Variants in CALN1 observed in about 807,000 individuals in gnomAD.
CALN1 encodes calneuron 1.
A neutral mutation model predicts 30.6 loss-of-function variants in CALN1; 17 were observed. That is an observed-to-expected ratio of 0.56 (90% confidence interval 0.38 to 0.83). CALN1 has a LOEUF of 0.83. Among genes scored for constraint, CALN1 ranks in the 40% least tolerant of loss-of-function variants. The pLI is 0.00. For synonymous variants in CALN1, 156 were observed against 131.4 expected, an observed-to-expected ratio of 1.19 and a Z score of -1.28; for missense variants, 291 against 354.9, an observed-to-expected ratio of 0.82 and a Z score of 1.45.
chr7:72,434,415 G>A (rs889939149), intron 1 of CALN1, among the ~76,000 whole-genome samples: 6 of 151,270 alleles, frequency 4.0e-5, no homozygotes, highest in Non-Finnish European at 5.9e-5. Context: ...ACAGCTATTC[G>A]GGAGGCTGAG....
At chr7:72,382,976 T>A (rs571316221) in intron 2 of CALN1, among the ~76,000 whole-genome samples, 2 of 152,108 alleles carry the variant, frequency 1.3e-5, no homozygotes, top group Non-Finnish European at 2.9e-5. Context: ...TTTCTAGAGA[T>A]GGGGTTTCAC....
In CALN1 at chr7:72,213,293, C is replaced by A. The variant is rs1792543463; in HGVS notation, c.244+65393G>T. 3.3e-5 allele frequency among the ~76,000 whole-genome samples: 5 copies of A among 152,360 alleles called. No individual in the cohort carries two copies. In the South Asian group the frequency reaches 1.0e-3, roughly 32 times the overall value. On this transcript the variant is annotated intron_variant, in intron 3 of 6. Transcript: ENST00000395275. ...AAGCTGGAGACAGGAAGTGGCAGTTCTTGGACATCAAGGAATTTTCTGAAT... is the reference window on the plus strand; with the variant it reads ...AAGCTGGAGACAGGAAGTGGCAGTTATTGGACATCAAGGAATTTTCTGAAT...
chr7:72,430,951 G>A (rs1807953635), intron 1 of CALN1, among the ~76,000 whole-genome samples: 1 of 150,928 alleles, frequency 6.6e-6, no homozygotes, highest in Non-Finnish European at 1.5e-5. Flanking sequence ...TACCCATGGA[G>A]TGAAGCCAAG....
At chr7:71,960,850 C>T (rs971543501) in intron 5 of CALN1, among the ~76,000 whole-genome samples, 1 of 152,176 alleles carries the variant, frequency 6.6e-6, no homozygotes, top group African/African-American at 2.4e-5. Flanking sequence ...CAGAGTCTTA[C>T]TCTGTTGCCC....
chr7:72,247,236 T>C (rs1324200398), intron 3 of CALN1, among the ~76,000 whole-genome samples: 28 of 16,636 alleles, frequency 1.7e-3, no homozygotes, highest in African/African-American at 8.5e-3. Flanking sequence ...TCTTTTTTTT[T>C]TTTTTTTTTT....
chr7:72,101,808 T>C (rs975307505), intron 4 of CALN1, among the ~76,000 whole-genome samples: 18 of 152,076 alleles, frequency 1.2e-4, no homozygotes, highest in African/African-American at 4.3e-4. Flanking sequence ...TTGGTGTATA[T>C]CTAATGCTCA....
At chr7:72,192,326 C>T (rs1331891072) in intron 3 of CALN1, among the ~76,000 whole-genome samples, 1 of 152,188 alleles carries the variant, frequency 6.6e-6, no homozygotes, top group Non-Finnish European at 1.5e-5. Context: ...GACTCTGCTC[C>T]TCCTGCCTCG....
chr7:72,254,409 G>A (rs1485754734), intron 3 of CALN1, among the ~76,000 whole-genome samples: 1 of 152,150 alleles, frequency 6.6e-6, no homozygotes, highest in African/African-American at 2.4e-5. Context: ...GGCCATGAAA[G>A]AACAACGTGA....
intron 1 of CALN1, among the ~76,000 whole-genome samples, chr7:72,405,564 C>T (rs1033509159): frequency 5.9e-5 from 9 of 152,120 alleles, no homozygotes; most frequent in Admixed American, 4.6e-4. Context: ...ACCCGTACGC[C>T]GCTCTCTTAC....
chr7:72,288,879 A>G (rs1798281613), intron 2 of CALN1, among the ~76,000 whole-genome samples: 1 of 152,172 alleles, frequency 6.6e-6, no homozygotes, highest in Non-Finnish European at 1.5e-5. Flanking sequence ...TACAATCGAT[A>G]CTTATGTAAA....
At chr7:71,994,807 T>A (rs184213601) in intron 5 of CALN1, among the ~76,000 whole-genome samples, 1 of 151,340 alleles carries the variant, frequency 6.6e-6, no homozygotes, top group Non-Finnish European at 1.5e-5. Flanking sequence ...TTGGACCAGG[T>A]GTGCCATCTG....
intron 5 of CALN1, among the ~76,000 whole-genome samples, chr7:71,920,183 C>T (rs762329783): frequency 6.6e-6 from 1 of 152,136 alleles, no homozygotes; most frequent in Non-Finnish European, 1.5e-5. Flanking sequence ...TTTGGAAACA[C>T]CGGTCTGTAT....
chr7:72,308,099 C>G (rs1024819340), intron 2 of CALN1, among the ~76,000 whole-genome samples: 2 of 152,126 alleles, frequency 1.3e-5, no homozygotes, highest in African/African-American at 2.4e-5. Context: ...TGCAGTGGCT[C>G]ACACCTGTAA....
At chr7:72,064,376 G>A (rs1803878158) in intron 4 of CALN1, among the ~76,000 whole-genome samples, 1 of 152,158 alleles carries the variant, frequency 6.6e-6, no homozygotes, top group African/African-American at 2.4e-5. Context: ...CAAGGTGCAA[G>A]TGAACTTTCT....
At chr7:72,034,143 G>A (rs561379508) in intron 4 of CALN1, among the ~76,000 whole-genome samples, 11 of 151,758 alleles carry the variant, frequency 7.2e-5, no homozygotes, top group Non-Finnish European at 1.3e-4. Context: ...CACAAGGTCA[G>A]GAGATTGAGA....
At chr7:72,376,391 T>C (rs1003995671) in intron 2 of CALN1, among the ~76,000 whole-genome samples, 2 of 152,220 alleles carry the variant, frequency 1.3e-5, no homozygotes, top group African/African-American at 2.4e-5. Context: ...TTTCTGAAAC[T>C]TGTTGCTGTT....
At chr7:71,930,491 A>AAT (rs1335034568) in intron 5 of CALN1, among the ~76,000 whole-genome samples, 2 of 152,176 alleles carry the variant, frequency 1.3e-5, no homozygotes, top group East Asian at 3.8e-4. Flanking sequence ...ATGATTTGCA[A>AAT]ATATATGCAC....
chr7:72,150,222 G>A (rs374873545), intron 3 of CALN1, among the ~76,000 whole-genome samples: 16 of 151,916 alleles, frequency 1.1e-4, no homozygotes, highest in African/African-American at 3.4e-4. Context: ...GCATATGCAA[G>A]ATGGAGCCCA....
At chr7:71,882,272 T>C (rs1792617713) in intron 5 of CALN1, among the ~76,000 whole-genome samples, 1 of 152,212 alleles carries the variant, frequency 6.6e-6, no homozygotes, top group Non-Finnish European at 1.5e-5. Flanking sequence ...GCTTTTGTTC[T>C]CACGTCTTCT....
Sources: gnomAD v4.1 joint callset for allele counts (sites outside exome capture counted in the v4.1 genomes callset) on GRCh38, gnomAD v4.1.1 for gene constraint, MANE v1.5 for transcripts, NCBI Gene and HGNC (gene_info 2026-07-23, HGNC 2026-07-21) for gene names.